Variants in EIPR1 observed in about 807,000 individuals in gnomAD.
EIPR1 encodes the protein EARP and GARP complex-interacting protein 1.
A neutral mutation model predicts 48.1 loss-of-function variants in EIPR1; 25 were observed. The observed-to-expected ratio is 0.52, with a 90% CI of 0.38 to 0.73. EIPR1 has a LOEUF of 0.73. Ranked by LOEUF, EIPR1 falls within the 30% of genes least tolerant of loss-of-function variation. The pLI is 0.00. For synonymous variants in EIPR1, 204 were observed against 201.9 expected (o/e 1.01, Z -0.09); for missense variants, 415 against 506.2 (o/e 0.82, Z 1.73).
chr2:3,327,228 G>A (rs2103333850), intron 3 of EIPR1, among the ~76,000 whole-genome samples: 1 of 152,326 alleles, frequency 6.6e-6, no homozygotes, highest in Middle Eastern at 3.4e-3. Context: ...CTGTCGCCCA[G>A]GCTGGAGTGC....
At chr2:3,289,571 C>T (rs553717452) in intron 3 of EIPR1, among the ~76,000 whole-genome samples, 83 of 152,214 alleles carry the variant, frequency 5.5e-4, no homozygotes, top group African/African-American at 1.8e-3. Context: ...GTAAACGAGG[C>T]ATGCCCAGAG....
At chr2:3,346,819 T>C (rs1350179753) in intron 2 of EIPR1, among the ~76,000 whole-genome samples, 1 of 152,200 alleles carries the variant, frequency 6.6e-6, no homozygotes, top group Non-Finnish European at 1.5e-5. Context: ...CATAAATTTC[T>C]CCTCAAACCC....
chr2:3,223,542 C>T (rs1481339453), intron 4 of EIPR1, among the ~76,000 whole-genome samples: 1 of 152,206 alleles, frequency 6.6e-6, no homozygotes, highest in Non-Finnish European at 1.5e-5. Context: ...AAAAAATAAA[C>T]TTAGAAAAAG....
intron 4 of EIPR1, among the ~76,000 whole-genome samples, chr2:3,227,730 C>T (rs927236121): frequency 4.6e-5 from 7 of 152,222 alleles, no homozygotes; most frequent in African/African-American, 1.2e-4. Flanking sequence ...GGCCTACGGC[C>T]CCCCTGCTCT....
chr2:3,355,142 G>T (rs114977446), intron 1 of EIPR1, among the ~76,000 whole-genome samples: 4 of 152,162 alleles, frequency 2.6e-5, no homozygotes, highest in African/African-American at 4.8e-5. Flanking sequence ...GGAAGCCTAG[G>T]GGGGAAGCCC....
In EIPR1 at chr2:3,299,632, A is replaced by T. The variant is rs886365706; in HGVS notation, c.259+38385T>A. 2.1e-4 allele frequency among the ~76,000 whole-genome samples: 32 copies of T among 149,468 alleles called. 1 individual carries two copies. The highest frequency in any genetic ancestry group is 1.9e-4 in the East Asian group (1 of 5,138). Reference sequence around the variant, plus strand: ...CTCTCTCTCTCTCTCTCTCACACACACACACACACACACACACACACACAC... The same window carrying T: ...CTCTCTCTCTCTCTCTCTCACACACTCACACACACACACACACACACACAC... On this transcript the variant is annotated intron_variant, in intron 3 of 8. Coordinates refer to ENST00000382125, the MANE Select transcript of EIPR1 (RefSeq NM_003310.5).
intron 3 of EIPR1, among the ~76,000 whole-genome samples, chr2:3,269,280 TGGCACTCAGTCATG>T (rs1667598102): frequency 7.2e-6 from 1 of 138,300 alleles, no homozygotes; most frequent in Non-Finnish European, 1.6e-5. Flanking sequence ...CACTCAGTCA[TGGCACTCAGTCATG>T]GCACTCAGTC....
chr2:3,256,248 C>T (rs932650120), intron 4 of EIPR1, among the ~76,000 whole-genome samples: 9 of 152,234 alleles, frequency 5.9e-5, no homozygotes, highest in South Asian at 2.1e-4. Context: ...CCTCAGTCCC[C>T]GTTCCAAACT....
chr2:3,350,975 G>A (rs1221548456), intron 2 of EIPR1, among the ~76,000 whole-genome samples: 1 of 142,384 alleles, frequency 7.0e-6, no homozygotes, highest in African/African-American at 2.6e-5. Context: ...AATTAAGGTA[G>A]ATTAAAACAC....
Position 3,286,189 on chromosome 2 carries a change from T to C in EIPR1, c.260-28734A>G, listed in dbSNP as rs1002130823. ...GCTATCCCTGCCTGATTCCCCACCC[T>C]CAGAACCCATGAGCAGCACAAAAGG... On this transcript the variant is annotated intron_variant, in intron 3 of 8. Transcript: ENST00000382125. This position sits in a 1 kb window ranked among gnomAD's most constrained non-coding sequence, Gnocchi z 4.2. 4.6e-5 allele frequency among the ~76,000 whole-genome samples: 7 copies of C among 151,962 alleles called. No homozygotes were observed. The highest frequency in any genetic ancestry group is 8.8e-5 in the Non-Finnish European group (6 of 67,986).
At chr2:3,361,273 C>A (rs528876913) in intron 1 of EIPR1, among the ~76,000 whole-genome samples, 1 of 152,176 alleles carries the variant, frequency 6.6e-6, no homozygotes, top group East Asian at 1.9e-4. Context: ...TTGCCTGGGG[C>A]AGATATTACC....
chr2:3,356,998 A>G (rs142319470), intron 1 of EIPR1, among the ~76,000 whole-genome samples: 53 of 152,374 alleles, frequency 3.5e-4, no homozygotes, highest in Non-Finnish European at 6.9e-4. Context: ...AGATGTTTGC[A>G]TAAAGCTGTA....
At chr2:3,318,537 C>T (rs1017414737) in intron 3 of EIPR1, among the ~76,000 whole-genome samples, 3 of 152,162 alleles carry the variant, frequency 2.0e-5, no homozygotes, top group Admixed American at 6.5e-5. Context: ...CAGTGAGGAA[C>T]GCAAGAAACA....
chr2:3,350,375 A>G (rs1225829940), intron 2 of EIPR1, among the ~76,000 whole-genome samples: 4 of 152,180 alleles, frequency 2.6e-5, no homozygotes, highest in Non-Finnish European at 5.9e-5. Flanking sequence ...TCACGAGAAC[A>G]TCAAGGGGGG....
intron 4 of EIPR1, among the ~76,000 whole-genome samples, chr2:3,228,606 C>T (rs951329709): frequency 9.9e-5 from 15 of 152,098 alleles, no homozygotes; most frequent in East Asian, 7.7e-4. Context: ...AGGCGGAAGG[C>T]GCAGAATGAT....
At chr2:3,219,320 T>C (rs1237132180) in intron 4 of EIPR1, among the ~76,000 whole-genome samples, 36 of 27,410 alleles carry the variant, frequency 1.3e-3, no homozygotes, top group Admixed American at 8.5e-3. Flanking sequence ...AGGTGCACAC[T>C]CAACACGACC....
At chr2:3,217,077 A>G (rs1665663603) in intron 4 of EIPR1, among the ~76,000 whole-genome samples, 1 of 152,222 alleles carries the variant, frequency 6.6e-6, no homozygotes, top group South Asian at 2.1e-4. Flanking sequence ...AAGAGAACAT[A>G]ATTGTGGATG....
chr2:3,308,622 G>A (rs761805045), intron 3 of EIPR1, among the ~76,000 whole-genome samples: 14 of 152,272 alleles, frequency 9.2e-5, no homozygotes, highest in Middle Eastern at 3.4e-3. Context: ...GAGAGTCCTC[G>A]AATTTGGTGA....
At chr2:3,258,709 C>A (rs1667238939) in intron 3 of EIPR1, among the ~76,000 whole-genome samples, 1 of 152,206 alleles carries the variant, frequency 6.6e-6, no homozygotes, top group African/African-American at 2.4e-5. Context: ...CATTGTTAAC[C>A]ATGATTGAAT....
Sources: allele counts gnomAD v4.1 joint callset (sites outside exome capture counted in the v4.1 genomes callset), GRCh38; gene constraint gnomAD v4.1.1; non-coding constraint Gnocchi (gnomAD v3.1); transcripts MANE v1.5; gene names NCBI Gene and HGNC (gene_info 2026-07-23, HGNC 2026-07-21).